The following SUMF1 variants were observed in gnomAD, a reference collection of about 807,000 sequenced individuals.
SUMF1 encodes the protein sulfatase modifying factor 1, also known as formylglycine-generating enzyme.
A neutral mutation model predicts 47.6 loss-of-function variants in SUMF1; 48 were observed. The observed-to-expected ratio is 1.01, with a 90% CI of 0.80 to 1.28. The LOEUF (loss-of-function observed/expected upper bound fraction) is 1.28. SUMF1 is among the 50% of genes most tolerant of loss of function. The pLI, the probability that SUMF1 is intolerant of heterozygous loss-of-function variation, is 0.00. For synonymous variants in SUMF1, 230 were observed against 192.1 expected (o/e 1.20, Z -1.63); for missense variants, 571 against 485.4 (o/e 1.18, Z -1.66).
intron 8 of SUMF1, among the ~76,000 whole-genome samples, chr3:4,298,755 C>A (rs1697908618): frequency 6.6e-6 from 1 of 152,128 alleles, no homozygotes; most frequent in Non-Finnish European, 1.5e-5. Flanking sequence ...GTAAACTGGA[C>A]CATGCATGTA....
At chr3:4,308,049 C>A (rs191191172) in intron 8 of SUMF1, among the ~76,000 whole-genome samples, 1 of 152,182 alleles carries the variant, frequency 6.6e-6, no homozygotes. Context: ...TCCCATTCTC[C>A]GTGTCCTTTA....
At position 4,410,714 on chromosome 3, in the gene SUMF1, A is replaced by G. The variant is rs1701511430; in HGVS notation, c.954+151T>C. ...CAAAATGCTCTGAGGTTGAAATAAG[A>G]AACATGCGCTTAATGTGCCTTTAGG... On this transcript the variant is annotated intron_variant, in intron 7 of 8. Transcript: ENST00000272902. 1.1e-5 allele frequency: 8 copies of G among 733,608 alleles called. No individual in the cohort carries two copies. In the Admixed American group the frequency reaches 1.6e-4, roughly 15 times the overall value. 45.4% of individuals were successfully genotyped at this position (733,608 alleles called of 1,614,324 possible). A position where few individuals can be genotyped will look rare whatever the true frequency, so the allele number is the denominator to read the frequency against.
chr3:4,442,686 G>T lies in SUMF1; in HGVS notation c.519+6580C>A, dbSNP rs373226069. Among the ~76,000 whole-genome samples the T allele has an allele frequency of 2.0e-5, 3 of 148,252 alleles. No individual in the cohort carries two copies. In the East Asian group the frequency reaches 6.0e-4, roughly 30 times the overall value. On this transcript the variant is annotated intron_variant, in intron 3 of 8. Coordinates refer to ENST00000272902, the MANE Select transcript of SUMF1 (RefSeq NM_182760.4). Reference sequence around the variant, plus strand: ...AAAAGGAAAGAGAAGTAGTGGAGGAGGGGAAGAAATCCAGGACATCTCAGA... The same window carrying T: ...AAAAGGAAAGAGAAGTAGTGGAGGATGGGAAGAAATCCAGGACATCTCAGA...
intron 8 of SUMF1, among the ~76,000 whole-genome samples, chr3:4,306,619 C>T (rs185785417): frequency 6.6e-6 from 1 of 152,198 alleles, no homozygotes; most frequent in Non-Finnish European, 1.5e-5. Flanking sequence ...ATCAAACATG[C>T]TTGAAACATT....
At chr3:4,213,648 G>A (rs1265506303) in intron 8 of SUMF1, among the ~76,000 whole-genome samples, 3 of 152,186 alleles carry the variant, frequency 2.0e-5, no homozygotes, top group Non-Finnish European at 4.4e-5. Flanking sequence ...CCATCAGTGT[G>A]CTGTATTCAG....
intron 8 of SUMF1, among the ~76,000 whole-genome samples, chr3:4,344,269 G>A (rs1699329310): frequency 6.6e-6 from 1 of 152,194 alleles, no homozygotes; most frequent in African/African-American, 2.4e-5. Flanking sequence ...CGGGGAAGGG[G>A]AACCCCCATT....
At chr3:4,464,402 CTG>C (rs528920605) in intron 1 of SUMF1, among the ~76,000 whole-genome samples, 1 of 148,416 alleles carries the variant, frequency 6.7e-6, no homozygotes, top group Non-Finnish European at 1.5e-5. Context: ...ATGTGTGTGT[CTG>C]TGTGTGTTTG....
At chr3:4,158,707 A>T (rs552909648) in intron 8 of SUMF1, among the ~76,000 whole-genome samples, 2 of 151,654 alleles carry the variant, frequency 1.3e-5, no homozygotes, top group South Asian at 4.1e-4. Context: ...CCTCTTGCTG[A>T]ATTCACCACT....
chr3:4,399,959 A>G (rs1295344820), intron 7 of SUMF1, among the ~76,000 whole-genome samples: 1 of 152,028 alleles, frequency 6.6e-6, no homozygotes, highest in African/African-American at 2.4e-5. Flanking sequence ...GAGTTTCACC[A>G]TGTTAGCCAG....
chr3:4,089,312 A>G (rs1574872412), intron 8 of SUMF1, among the ~76,000 whole-genome samples: 2 of 152,230 alleles, frequency 1.3e-5, no homozygotes, highest in South Asian at 4.1e-4. Flanking sequence ...ACAACTCTCA[A>G]CAATTGGCAA....
intron 8 of SUMF1, among the ~76,000 whole-genome samples, chr3:4,086,225 A>AAC (rs1692668599): frequency 6.6e-6 from 1 of 152,062 alleles, no homozygotes; most frequent in African/African-American, 2.4e-5. Flanking sequence ...GAAAAAAAAA[A>AAC]AAAACAGAAT....
At chr3:4,172,381 A>G (rs770453133) in intron 8 of SUMF1, among the ~76,000 whole-genome samples, 8 of 152,128 alleles carry the variant, frequency 5.3e-5, no homozygotes, top group Non-Finnish European at 8.8e-5. Flanking sequence ...AAATTTACAC[A>G]TGTGCTTTCC....
chr3:4,073,227 G>A (rs1692325332), intron 8 of SUMF1, among the ~76,000 whole-genome samples: 1 of 152,124 alleles, frequency 6.6e-6, no homozygotes, highest in Non-Finnish European at 1.5e-5. Flanking sequence ...TTCATATCCA[G>A]CCAAACTAAG....
intron 8 of SUMF1, among the ~76,000 whole-genome samples, chr3:4,219,135 C>G (rs1696007194): frequency 6.6e-6 from 1 of 152,200 alleles, no homozygotes; most frequent in African/African-American, 2.4e-5. Flanking sequence ...ACTGCAATTA[C>G]TCTCCTGAAC....
intron 8 of SUMF1, among the ~76,000 whole-genome samples, chr3:4,180,956 A>G (rs1695083576): frequency 6.6e-6 from 1 of 152,200 alleles, no homozygotes; most frequent in Non-Finnish European, 1.5e-5. Context: ...ACATGCTTAC[A>G]ATTCATTTAC....
chr3:4,324,175 C>T (rs1306498219), intron 8 of SUMF1, among the ~76,000 whole-genome samples: 1 of 151,970 alleles, frequency 6.6e-6, no homozygotes, highest in Non-Finnish European at 1.5e-5. Context: ...GGTTTGTTTT[C>T]AACTCTGTCT....
chr3:4,145,432 T>C (rs542261181), intron 8 of SUMF1, among the ~76,000 whole-genome samples: 4 of 152,272 alleles, frequency 2.6e-5, no homozygotes, highest in African/African-American at 9.6e-5. Flanking sequence ...TTAGAAATTA[T>C]TTGTTAATAC....
chr3:4,201,687 GT>G (rs1695543499), intron 8 of SUMF1, among the ~76,000 whole-genome samples: 1 of 152,028 alleles, frequency 6.6e-6, no homozygotes, highest in Non-Finnish European at 1.5e-5. Context: ...TCATGTGGTA[GT>G]TCTATTTTTA....
intron 8 of SUMF1, among the ~76,000 whole-genome samples, chr3:4,351,753 A>T (rs1022875950): frequency 1.3e-5 from 2 of 152,178 alleles, no homozygotes; most frequent in African/African-American, 4.8e-5. Context: ...AGCCTCGGCC[A>T]CTTCATTACC....
Sources: gnomAD v4.1 joint callset for allele counts (sites outside exome capture counted in the v4.1 genomes callset) on GRCh38, gnomAD v4.1.1 for gene constraint, MANE v1.5 for transcripts, NCBI Gene and HGNC (gene_info 2026-07-23, HGNC 2026-07-21) for gene names.